CPA6: variants seen among roughly 807,000 people sequenced by gnomAD.
The protein encoded by CPA6 is carboxypeptidase B.
In CPA6, 58 loss-of-function variants were observed where a neutral mutation model predicts 63.3. The ratio of observed to expected loss-of-function variants is 0.92; its 90% CI spans 0.74 to 1.14. The LOEUF is 1.14. Ranked by LOEUF, CPA6 falls within the 50% of genes most tolerant of loss-of-function variation. CPA6 has a pLI of 0.00. For missense variants in CPA6, 565 were observed against 526.6 expected, an observed-to-expected ratio of 1.07 and a Z score of -0.71; for synonymous variants, 185 against 179.0, an observed-to-expected ratio of 1.03 and a Z score of -0.27.
At chr8:67,667,720 T>C (rs1476444997) in intron 1 of CPA6, among the ~76,000 whole-genome samples, 2 of 152,144 alleles carry the variant, frequency 1.3e-5, no homozygotes, top group Non-Finnish European at 2.9e-5. Context: ...CTGAAATCAG[T>C]TTAATCTCAA....
At chr8:67,607,150 CCT>C (rs1158327649) in intron 2 of CPA6, among the ~76,000 whole-genome samples, 4 of 116,530 alleles carry the variant, frequency 3.4e-5, no homozygotes, top group Admixed American at 8.7e-5. Flanking sequence ...TCCTCCCCCC[CCT>C]CCTCTTCTTC....
chr8:67,475,721 C>T (rs951639338), intron 8 of CPA6, among the ~76,000 whole-genome samples: 8 of 151,592 alleles, frequency 5.3e-5, no homozygotes, highest in African/African-American at 1.9e-4. Flanking sequence ...CCCTTCCTTC[C>T]CTTCTCTTTT....
chr8:67,636,527 T>C (rs1457994978), intron 1 of CPA6, among the ~76,000 whole-genome samples: 1 of 151,460 alleles, frequency 6.6e-6, no homozygotes, highest in Non-Finnish European at 1.5e-5. Flanking sequence ...ATATACATAT[T>C]GGCACTCCTT....
At chr8:67,610,943 A>G (rs1441102932) in intron 2 of CPA6, among the ~76,000 whole-genome samples, 1 of 152,210 alleles carries the variant, frequency 6.6e-6, no homozygotes, top group Non-Finnish European at 1.5e-5. Flanking sequence ...GATTACATTA[A>G]ATAACATGTA....
At chr8:67,460,555 T>C (rs1161518625) in intron 8 of CPA6, among the ~76,000 whole-genome samples, 4 of 152,148 alleles carry the variant, frequency 2.6e-5, no homozygotes, top group Non-Finnish European at 5.9e-5. Flanking sequence ...AATCTATGAG[T>C]AGTGAATGAG....
At chr8:67,672,833 A>G (rs930379095) in intron 1 of CPA6, among the ~76,000 whole-genome samples, 2 of 152,222 alleles carry the variant, frequency 1.3e-5, no homozygotes, top group African/African-American at 2.4e-5. Context: ...TTGAACAAAT[A>G]AGCCCTAACT....
chr8:67,645,378 T>TA (rs200313338), intron 1 of CPA6, among the ~76,000 whole-genome samples: 1,814 of 152,204 alleles, frequency 0.012, 16 homozygotes, highest in Non-Finnish European at 0.021. Flanking sequence ...AGAGAATCGG[T>TA]AAAAAAATGT....
intron 8 of CPA6, among the ~76,000 whole-genome samples, chr8:67,464,249 A>G: frequency 6.6e-6 from 1 of 152,098 alleles, no homozygotes; most frequent in East Asian, 1.9e-4. Flanking sequence ...TTTGATTTAC[A>G]TTACTCTGAT....
At chr8:67,651,764 T>C (rs1171479899) in intron 1 of CPA6, among the ~76,000 whole-genome samples, 1 of 152,178 alleles carries the variant, frequency 6.6e-6, no homozygotes, top group Non-Finnish European at 1.5e-5. Flanking sequence ...TATTATACTT[T>C]AAGTTTTAGG....
At chr8:67,586,719 ATGT>A (rs535064817) in intron 2 of CPA6, among the ~76,000 whole-genome samples, 20 of 152,140 alleles carry the variant, frequency 1.3e-4, no homozygotes, top group African/African-American at 4.8e-5. Flanking sequence ...TCATTAGGTG[ATGT>A]TGTTGCTAGA....
intron 2 of CPA6, among the ~76,000 whole-genome samples, chr8:67,538,735 C>T (rs906613493): frequency 6.6e-6 from 1 of 151,736 alleles, no homozygotes; most frequent in African/African-American, 2.4e-5. Context: ...TCTCGGCTCA[C>T]TGCAAGCACC....
In CPA6 at chr8:67,506,799, C is replaced by A. The variant is rs762000090; in HGVS notation, c.624G>T (p.Trp208Cys). 24 of 1,609,854 alleles carry A rather than the reference C, an allele frequency of 1.5e-5. No homozygotes were observed. The African/African-American group carries it at 3.2e-4, about 22-fold the overall frequency. ...GGGTTTAACTTACTTCTTTTACAAA[C>A]CACTGACAAAAGGCAGGACCAATCC... ...REWIGPAFCQ[W>C]FVKEALLTYK... Residue 208 changes from tryptophan (W) to cysteine (C), a missense_variant, in exon 6 of 11, where the codon TGG becomes TGT. By Grantham distance (215) the Trp-to-Cys change is radical. Transcript: ENST00000297770.
chr8:67,483,962 A>C, intron 7 of CPA6, 104 bp from the exon 8 acceptor site: 1 of 943,222 alleles, frequency 1.1e-6, no homozygotes, highest in South Asian at 1.4e-5. Context: ...CTGAGGGGAG[A>C]GTTCTCCTGT....
Position 67,475,896 on chromosome 8 carries a change from T to C in CPA6, c.838+7872A>G, listed in dbSNP as rs1380588598. On this transcript the variant is annotated intron_variant, in intron 8 of 10. Coordinates refer to ENST00000297770, the MANE Select transcript of CPA6 (RefSeq NM_020361.5). ...CTTTCTTTCTCCTTTCTTTCTTTCT[T>C]TCTTTCTTTCTTTCTTTCTTTCTTT... is the stretch of plus-strand genomic sequence containing the variant. Among the ~76,000 whole-genome samples, 16 of 88,062 alleles carry C rather than the reference T, an allele frequency of 1.8e-4. 1 individual carries two copies. Among genetic ancestry groups the C allele is most frequent in the Non-Finnish European group, 2.5e-4 (11 of 44,780 alleles). 57.8% of individuals were successfully genotyped at this position (88,062 alleles called of 152,430 possible). A position where few individuals can be genotyped will look rare whatever the true frequency, so the allele number is the denominator to read the frequency against.
intron 2 of CPA6, among the ~76,000 whole-genome samples, chr8:67,555,671 T>A (rs964061291): frequency 6.6e-6 from 1 of 152,144 alleles, no homozygotes; most frequent in African/African-American, 2.4e-5. Flanking sequence ...AGCCTGGGCA[T>A]CCCATTTGTA....
chr8:67,620,209 A>G (rs187307059), intron 2 of CPA6, among the ~76,000 whole-genome samples: 83 of 152,336 alleles, frequency 5.4e-4, no homozygotes, highest in Non-Finnish European at 1.1e-3. Flanking sequence ...GACCAGCAGA[A>G]GCACTTCTCC....
At chr8:67,680,727 C>G (rs1342146290) in intron 1 of CPA6, among the ~76,000 whole-genome samples, 1 of 152,182 alleles carries the variant, frequency 6.6e-6, no homozygotes, top group African/African-American at 2.4e-5. Context: ...ATGTCTAATA[C>G]TCAGTTCTTT....
intron 1 of CPA6, among the ~76,000 whole-genome samples, chr8:67,665,283 A>G (rs954635046): frequency 2.6e-5 from 4 of 152,348 alleles, no homozygotes; most frequent in African/African-American, 9.6e-5. Context: ...AGGTACATCT[A>G]TATGCAATAA....
intron 2 of CPA6, among the ~76,000 whole-genome samples, chr8:67,567,043 A>G (rs1324249802): frequency 1.3e-5 from 2 of 152,238 alleles, no homozygotes; most frequent in South Asian, 2.1e-4. Flanking sequence ...GAAAAAATTT[A>G]TCAGTTGGCA....
Sources: gnomAD v4.1 joint callset for allele counts (sites outside exome capture counted in the v4.1 genomes callset) on GRCh38, gnomAD v4.1.1 for gene constraint, MANE v1.5 for transcripts, NCBI Gene and HGNC (gene_info 2026-07-23, HGNC 2026-07-21) for gene names.